Variants in PCDHGB1 observed in about 807,000 individuals in gnomAD.
The protein encoded by PCDHGB1 is protocadherin gamma-B1.
In PCDHGB1, 34 loss-of-function variants were observed where a neutral mutation model predicts 56.6. That is an observed-to-expected ratio of 0.60 (90% CI 0.46 to 0.80). PCDHGB1 has a LOEUF of 0.80. Among genes scored for constraint, PCDHGB1 ranks in the 30% least tolerant of loss-of-function variants. The probability of loss-of-function intolerance (pLI) is 0.00; values close to 1 mark genes in which losing one functional copy is unlikely to be tolerated. For missense variants in PCDHGB1, 1,278 were observed against 1,204.6 expected (o/e 1.06, Z -0.90); for synonymous variants, 561 against 505.9 (o/e 1.11, Z -1.46).
intron 1 of PCDHGB1, chr5:141,372,314 G>A (rs369724462): frequency 7.7e-5 from 125 of 1,613,460 alleles, no homozygotes; most frequent in Non-Finnish European, 1.0e-4. Context: ...CCGCCCGCCA[G>A]CGCCTGCTGG....
intron 1 of PCDHGB1, chr5:141,372,413 T>C (rs1768752463): frequency 6.2e-7 from 1 of 1,614,052 alleles, no homozygotes; most frequent in Non-Finnish European, 8.5e-7. Flanking sequence ...AGATACAACC[T>C]GACCTTAGCG....
chr5:141,430,383 G>GAA (rs139772145), intron 1 of PCDHGB1, among the ~76,000 whole-genome samples: 39 of 138,602 alleles, frequency 2.8e-4, no homozygotes, highest in African/African-American at 7.9e-4. Context: ...AGCTCATTGG[G>GAA]AAAAAAAAAA....
intron 1 of PCDHGB1, chr5:141,392,784 A>G: frequency 6.5e-7 from 1 of 1,546,632 alleles, no homozygotes. Context: ...CACAGTGAAG[A>G]TTCTGAGAGG....
chr5:141,395,332 AT>A (rs2093216099), intron 1 of PCDHGB1: 2 of 1,450,272 alleles, frequency 1.4e-6, no homozygotes, highest in Non-Finnish European at 9.2e-7. Flanking sequence ...GTTGAAAATA[AT>A]TTTTAAGGTG....
intron 1 of PCDHGB1, chr5:141,364,242 G>T (rs192201180): frequency 1.4e-6 from 2 of 1,451,340 alleles, no homozygotes; most frequent in South Asian, 3.0e-5. Context: ...GCCCATTTTC[G>T]TCAGGGAATA....
intron 2 of PCDHGB1, among the ~76,000 whole-genome samples, chr5:141,503,202 C>G (rs1562210201): frequency 6.6e-6 from 1 of 152,090 alleles, no homozygotes; most frequent in East Asian, 1.9e-4. Context: ...ATCAGCCTCT[C>G]AGTGCCCACC....
intron 1 of PCDHGB1, among the ~76,000 whole-genome samples, chr5:141,464,222 G>A (rs1189319398): frequency 2.7e-5 from 4 of 147,818 alleles, no homozygotes; most frequent in African/African-American, 7.5e-5. Flanking sequence ...CTGAGATTGC[G>A]CCACTGCACT....
intron 3 of PCDHGB1, 78 bp from the exon 4 acceptor site, chr5:141,510,869 T>C: frequency 9.3e-6 from 15 of 1,608,708 alleles, no homozygotes; most frequent in Non-Finnish European, 1.3e-5. Flanking sequence ...AGGCATTCAT[T>C]AACTGCTGGG....
At chr5:141,413,080 A>G (rs2095603656) in intron 1 of PCDHGB1, 3 of 1,298,546 alleles carry the variant, frequency 2.3e-6, no homozygotes, top group Non-Finnish European at 3.2e-6. Context: ...TGCCCAGGCT[A>G]CAGAGACACC....
chr5:141,355,151 C>A, intron 1 of PCDHGB1: 1 of 1,548,600 alleles, frequency 6.5e-7, no homozygotes, highest in Middle Eastern at 2.4e-4. Flanking sequence ...GCTCCTCAGG[C>A]CTCGACAGAG....
Position 141,476,416 on chromosome 5 carries a change from A to G in PCDHGB1, c.2410-18391A>G. On this transcript the variant is annotated intron_variant, in intron 1 of 3. Coordinates refer to ENST00000523390, the MANE Select transcript of PCDHGB1 (RefSeq NM_018922.3). The surrounding 1 kb of genome is among the most constrained non-coding windows in gnomAD (Gnocchi z 7.6). ...TGGATCGAGAGGAGCTGTGTGGGAC[A>G]CTGCCCTCTTGCACTGTAACTCTGG... 1 of 1,614,056 alleles carries G rather than the reference A, an allele frequency of 6.2e-7. No individual in the cohort carries two copies. The highest frequency in any genetic ancestry group is 8.5e-7 in the Non-Finnish European group (1 of 1,179,994).
intron 1 of PCDHGB1, chr5:141,423,466 G>C (rs770939556): frequency 1.2e-6 from 2 of 1,613,904 alleles, no homozygotes; most frequent in Admixed American, 3.3e-5. Context: ...CGTGGACGGG[G>C]TACAGGCTTT....
At chr5:141,469,373 G>A (rs532041259) in intron 1 of PCDHGB1, among the ~76,000 whole-genome samples, 3 of 151,992 alleles carry the variant, frequency 2.0e-5, no homozygotes, top group South Asian at 2.1e-4. Context: ...TAAAGAGATC[G>A]AGACCATCCT....
At chr5:141,419,259 CG>C in intron 1 of PCDHGB1, 1 of 1,614,016 alleles carries the variant, frequency 6.2e-7, no homozygotes, top group Non-Finnish European at 8.5e-7. Context: ...AACAACCAGC[CG>C]GGTGCCTCCA....
rs139344941 is a variant in PCDHGB1, at chr5:141,480,950, C to T, written c.2410-13857C>T. Among the ~76,000 whole-genome samples the T allele has an allele frequency of 6.7e-3, 1,016 of 152,086 alleles. 11 individuals carry two copies. Among genetic ancestry groups the T allele is most frequent in the African/African-American group, 0.023 (953 of 41,456 alleles). On this transcript the variant is annotated intron_variant, in intron 1 of 3. Transcript: ENST00000523390. ...GTCCCAGCTACTCTAGAGGCTGAGG[C>T]GGAAGCATCAGTGAGGGAGAATCAG...
Position 141,372,054 on chromosome 5 carries a change from G to T in PCDHGB1, c.2409+19385G>T, listed in dbSNP as rs377450479. On this transcript the variant is annotated intron_variant, in intron 1 of 3. Transcript: ENST00000523390. ...CGTGAGCCTGCGCGTGTTGGTGGAC[G>T]ACCGCAACGACAATGCACCGCTGGT... The T allele has an allele frequency of 7.4e-6, 12 of 1,613,396 alleles. No individual in the cohort carries two copies. In the African/African-American group the frequency reaches 8.0e-5, roughly 11 times the overall value.
At chr5:141,373,335 A>G (rs1769489383) in intron 1 of PCDHGB1, among the ~76,000 whole-genome samples, 1 of 152,236 alleles carries the variant, frequency 6.6e-6, no homozygotes, top group Admixed American at 6.5e-5. Flanking sequence ...GGCATCTAAA[A>G]TGGCAACTCT....
intron 1 of PCDHGB1, among the ~76,000 whole-genome samples, chr5:141,460,801 ATATGTATG>A (rs2098998171): frequency 6.6e-6 from 1 of 152,010 alleles, no homozygotes; most frequent in Non-Finnish European, 1.5e-5. Context: ...CAAAGTATAT[ATATGTATG>A]TATACATATA....
intron 1 of PCDHGB1, chr5:141,375,036 G>GT (rs747497967): frequency 1.9e-6 from 3 of 1,614,002 alleles, no homozygotes; most frequent in Non-Finnish European, 2.5e-6. Flanking sequence ...TATGAGCTGG[G>GT]TGTTGAAGCC....
Sources: allele counts gnomAD v4.1 joint callset (sites outside exome capture counted in the v4.1 genomes callset), GRCh38; gene constraint gnomAD v4.1.1; non-coding constraint Gnocchi (gnomAD v3.1); transcripts MANE v1.5; gene names NCBI Gene and HGNC (gene_info 2026-07-23, HGNC 2026-07-21).